Variants in ROBO2 observed in about 807,000 individuals in gnomAD.
ROBO2 encodes roundabout guidance receptor 2.
ROBO2 carries 53 observed loss-of-function variants against 160.8 expected under a neutral mutation model. That is an observed-to-expected ratio of 0.33 (90% confidence interval 0.26 to 0.41). The LOEUF is 0.41. ROBO2 is among the 10% of genes least tolerant of loss of function. The pLI, the probability that ROBO2 is intolerant of heterozygous loss-of-function variation, is 1.00. For synonymous variants in ROBO2, 664 were observed against 611.7 expected (o/e 1.09, Z -1.26); for missense variants, 1,577 against 1,722.4 (o/e 0.92, Z 1.49).
intron 2 of ROBO2, among the ~76,000 whole-genome samples, chr3:77,260,107 C>T (rs2058681363): frequency 6.6e-6 from 1 of 152,050 alleles, no homozygotes; most frequent in Non-Finnish European, 1.5e-5. Context: ...TCTACAATGT[C>T]TGATGAAAGT....
In ROBO2 at chr3:76,399,087, G is replaced by A. The variant is rs373482133; in HGVS notation, c.109+461485G>A. Among the ~76,000 whole-genome samples the A allele has an allele frequency of 2.5e-4, 38 of 151,750 alleles. No homozygotes were observed. In the South Asian group the frequency reaches 5.6e-3, roughly 22 times the overall value. On this transcript the variant is annotated intron_variant, in intron 2 of 26. Transcript: ENST00000487694. ...ATAATATTCAGTCCATATTAGGCACGCAAGCATAATATAATTTTATAACAT... is the reference window on the plus strand; with the variant it reads ...ATAATATTCAGTCCATATTAGGCACACAAGCATAATATAATTTTATAACAT...
chr3:76,687,837 T>A (rs2107131321), intron 2 of ROBO2, among the ~76,000 whole-genome samples: 1 of 152,166 alleles, frequency 6.6e-6, no homozygotes, highest in East Asian at 1.9e-4. Context: ...TGTCTCCATA[T>A]TCTATAGCCA....
chr3:77,504,115 G>C (rs2088093643), intron 5 of ROBO2, among the ~76,000 whole-genome samples: 1 of 152,128 alleles, frequency 6.6e-6, no homozygotes, highest in South Asian at 2.1e-4. Flanking sequence ...TCCTTGCCGA[G>C]AAATTAGAAG....
chr3:77,063,637 G>T (rs932489552), intron 1 of ROBO2, among the ~76,000 whole-genome samples: 58 of 152,306 alleles, frequency 3.8e-4, no homozygotes, highest in African/African-American at 1.4e-3. Flanking sequence ...GCTACTTCGT[G>T]TGAAGAGCTC....
chr3:76,304,745 T>A (rs2071242591), intron 2 of ROBO2, among the ~76,000 whole-genome samples: 1 of 95,630 alleles, frequency 1.0e-5, no homozygotes, highest in Non-Finnish European at 2.5e-5. Flanking sequence ...TTCTTTTCTT[T>A]CCTTCTTTCT....
At chr3:76,538,318 G>C (rs866709629) in intron 2 of ROBO2, among the ~76,000 whole-genome samples, 3 of 152,208 alleles carry the variant, frequency 2.0e-5, no homozygotes, top group East Asian at 3.9e-4. Flanking sequence ...TCTTTTCTAC[G>C]TAGGCAATTC....
At chr3:76,220,133 C>T (rs1187909828) in intron 2 of ROBO2, among the ~76,000 whole-genome samples, 3 of 140,248 alleles carry the variant, frequency 2.1e-5, no homozygotes, top group East Asian at 2.1e-4. Context: ...ACAATGAGAA[C>T]ACATGGATAC....
chr3:77,132,673 T>G (rs760148355), intron 2 of ROBO2, among the ~76,000 whole-genome samples: 1 of 151,604 alleles, frequency 6.6e-6, no homozygotes, highest in Admixed American at 6.6e-5. Context: ...CACTAAAGAG[T>G]CACTACATCT....
chr3:76,696,485 G>T (rs1355127129), intron 2 of ROBO2, among the ~76,000 whole-genome samples: 1 of 151,748 alleles, frequency 6.6e-6, no homozygotes, highest in Non-Finnish European at 1.5e-5. Context: ...GAATGCCTGG[G>T]TTTATATCCC....
At chr3:76,092,224 G>A (rs1041495637) in intron 2 of ROBO2, among the ~76,000 whole-genome samples, 1 of 152,120 alleles carries the variant, frequency 6.6e-6, no homozygotes, top group Non-Finnish European at 1.5e-5. Context: ...TAGGTTGTCT[G>A]CCTAACACCT....
At chr3:76,582,635 A>C (rs1227810202) in intron 2 of ROBO2, among the ~76,000 whole-genome samples, 1 of 152,214 alleles carries the variant, frequency 6.6e-6, no homozygotes, top group African/African-American at 2.4e-5. Flanking sequence ...ATATAAAAAT[A>C]AATTTAAGAC....
At position 76,342,636 on chromosome 3, in the gene ROBO2, A is replaced by G. The variant is rs1469704093; in HGVS notation, c.109+405034A>G. On this transcript the variant is annotated intron_variant, in intron 2 of 26. Transcript: ENST00000487694. ...AACCTGTATATATCCTTACAAATAT[A>G]TCCTATAACAAAGGGCAATTATATG... 2.6e-5 allele frequency among the ~76,000 whole-genome samples: 4 copies of G among 152,162 alleles called. No individual in the cohort carries two copies. The East Asian group carries it at 7.7e-4, about 29-fold the overall frequency.
intron 2 of ROBO2, among the ~76,000 whole-genome samples, chr3:77,298,681 C>T (rs1025062461): frequency 1.3e-4 from 20 of 152,092 alleles, no homozygotes; most frequent in Admixed American, 6.6e-5. Flanking sequence ...TCAGCAGAGC[C>T]GTGAACAGAA....
chr3:76,473,633 G>T (rs2078784223), intron 2 of ROBO2, among the ~76,000 whole-genome samples: 1 of 152,064 alleles, frequency 6.6e-6, no homozygotes, highest in Admixed American at 6.6e-5. Flanking sequence ...TCATATAAGG[G>T]GATAGAGGTG....
chr3:76,474,553 A>G (rs997908468), intron 2 of ROBO2, among the ~76,000 whole-genome samples: 1 of 152,202 alleles, frequency 6.6e-6, no homozygotes, highest in East Asian at 1.9e-4. Flanking sequence ...CAAGGAGCAT[A>G]TATTCAGGAA....
chr3:76,077,625 TCTTGA>T (rs775102756), intron 2 of ROBO2, among the ~76,000 whole-genome samples: 2 of 152,086 alleles, frequency 1.3e-5, no homozygotes, highest in South Asian at 2.1e-4. Flanking sequence ...TAAAGATTCT[TCTTGA>T]CTTGAGCAAC....
chr3:76,358,280 G>A (rs568400416), intron 2 of ROBO2, among the ~76,000 whole-genome samples: 239 of 152,080 alleles, frequency 1.6e-3, no homozygotes, highest in African/African-American at 5.4e-3. Context: ...CTGTCCTTGA[G>A]ACTTGTTTCT....
At chr3:76,239,232 C>G (rs1167354944) in intron 2 of ROBO2, among the ~76,000 whole-genome samples, 1 of 151,924 alleles carries the variant, frequency 6.6e-6, no homozygotes, top group East Asian at 1.9e-4. Context: ...CTGCAGTATC[C>G]AAATGTCAGC....
intron 2 of ROBO2, among the ~76,000 whole-genome samples, chr3:76,266,050 T>C (rs1360049464): frequency 1.3e-5 from 2 of 151,884 alleles, no homozygotes; most frequent in African/African-American, 4.9e-5. Flanking sequence ...AAGGATAAAA[T>C]GTGAAGGAAA....
Sources: gnomAD v4.1 joint callset for allele counts (sites outside exome capture counted in the v4.1 genomes callset) on GRCh38, gnomAD v4.1.1 for gene constraint, MANE v1.5 for transcripts, NCBI Gene and HGNC (gene_info 2026-07-23, HGNC 2026-07-21) for gene names.